The following NUP88 variants were observed in gnomAD, a reference collection of about 807,000 sequenced individuals.
NUP88 encodes the protein nuclear pore complex protein Nup88.
Under a neutral mutation model 93.9 loss-of-function variants are expected in NUP88, and 57 were observed. The observed-to-expected ratio is 0.61, with a 90% confidence interval of 0.49 to 0.76. NUP88 has a LOEUF of 0.76. Among genes scored for constraint, NUP88 ranks in the 30% least tolerant of loss-of-function variants. NUP88 has a pLI of 0.00. For missense variants in NUP88, 911 were observed against 901.0 expected, an observed-to-expected ratio of 1.01 and a Z score of -0.14; for synonymous variants, 346 against 336.8, an observed-to-expected ratio of 1.03 and a Z score of -0.30.
chr17:5,416,815 G>T, intron 1 of NUP88, 133 bp from the exon 2 acceptor site: 7 of 663,670 alleles, frequency 1.1e-5, no homozygotes, highest in Non-Finnish European at 1.4e-5. Flanking sequence ...ACTCACACTT[G>T]TACCATTAAC....
chr17:5,388,054 G>A, intron 11 of NUP88, 150 bp from the exon 12 acceptor site: 2 of 758,102 alleles, frequency 2.6e-6, no homozygotes, highest in South Asian at 4.4e-5. Flanking sequence ...AGGCTGGAGT[G>A]CATTGGTGCT....
At chr17:5,401,314 TG>T (rs1440066893) in intron 7 of NUP88, among the ~76,000 whole-genome samples, 3 of 151,644 alleles carry the variant, frequency 2.0e-5, no homozygotes, top group South Asian at 4.2e-4. Flanking sequence ...ACCTGGGAGG[TG>T]GAGGTTGCGG....
chr17:5,389,775 C>CAAAAAA (rs58723410), intron 10 of NUP88, among the ~76,000 whole-genome samples: 1 of 76,582 alleles, frequency 1.3e-5, no homozygotes. Context: ...GACTCTGTCT[C>CAAAAAA]AAAAAAAAAA....
rs201351645 is a variant in NUP88 at position 5,419,542 on chromosome 17, T to G, written c.109A>C (p.Thr37Pro). ...LREGLKNQSPTEAEKPASSSL... is the reference protein window; with the variant it reads ...LREGLKNQSPPEAEKPASSSL... ...GAAGAAGCTGGTTTCTCAGCTTCGG[T>G]TGGACTCTGGTTTTTCAGTCCCTCC... The change falls in exon 1 of 17, where the codon ACC becomes CCC. Residue 37 changes from threonine (T) to proline (P), a missense_variant. By Grantham distance (38) the Thr-to-Pro change is conservative. Transcript: ENST00000573584. The G allele has an allele frequency of 1.9e-6, 3 of 1,613,570 alleles. No individual in the cohort carries two copies. The highest frequency in any genetic ancestry group is 2.5e-6 in the Non-Finnish European group (3 of 1,179,650).
Position 5,419,570 on chromosome 17 carries a change from G to C in NUP88, c.81C>G (p.Leu27=), listed in dbSNP as rs756543366. The C allele has an allele frequency of 2.6e-5, 42 of 1,610,510 alleles. No homozygotes were observed. The highest frequency in any genetic ancestry group is 3.3e-5 in the Non-Finnish European group (39 of 1,177,692). ...GACTCTGGTTTTTCAGTCCCTCCCG[G>C]AGCCGCAAGAACACGACGTGGTTAG... ...WLPNHVVFLR[L]REGLKNQSPT... Residue 27 remains leucine, a synonymous_variant, in exon 1 of 17, where the codon CTC becomes CTG. Coordinates refer to ENST00000573584, the MANE Select transcript of NUP88 (RefSeq NM_002532.6).
rs1173655575 is a variant in NUP88, at chr17:5,408,801, C to T, written c.789G>A (p.Val263=). The change falls in exon 5 of 17, where the codon GTG becomes GTA. Residue 263 remains valine, a synonymous_variant. Transcript: ENST00000573584. ...LFGQNGKDEV[V]AYPLYILYEN... ...CATATAAGATGTACAGTGGGTATGCCACTACTTCATCTTTGCCGTTTTGTC... is the reference window on the plus strand; with the variant it reads ...CATATAAGATGTACAGTGGGTATGCTACTACTTCATCTTTGCCGTTTTGTC... The T allele has an allele frequency of 5.6e-6, 9 of 1,613,950 alleles. No individual in the cohort carries two copies. Among genetic ancestry groups the T allele is most frequent in the South Asian group, 4.4e-5 (4 of 91,060 alleles).
At chr17:5,399,729 C>T (rs766931458) in intron 7 of NUP88, 79 bp from the exon 8 acceptor site, 20 of 668,330 alleles carry the variant, frequency 3.0e-5, no homozygotes, top group Non-Finnish European at 5.0e-5. Flanking sequence ...TTGGCTACTC[C>T]ACATTAGCCT....
intron 5 of NUP88, among the ~76,000 whole-genome samples, chr17:5,408,026 G>C (rs1437386975): frequency 1.3e-5 from 2 of 151,836 alleles, no homozygotes; most frequent in Admixed American, 6.6e-5. Flanking sequence ...CTCTTTTAAC[G>C]AGGTATTTTT....
chr17:5,410,684 G>C lies in NUP88; in HGVS notation c.680+19C>G. 1.4e-6 allele frequency: 2 copies of C among 1,452,282 alleles called. No individual in the cohort carries two copies. Among genetic ancestry groups the C allele is most frequent in the South Asian group, 1.2e-5 (1 of 83,100 alleles). The allele number at this position is 1,452,282 out of a possible 1,614,324, so 90.0% of individuals were successfully genotyped here. A position where few individuals can be genotyped will look rare whatever the true frequency, so the allele number is the denominator to read the frequency against. ...TAAGCTAATTAAAAAACCATTTCAA[G>C]ACTCAAATAAAAACTTACCCTTTAT... On this transcript the variant is annotated intron_variant, in intron 4 of 16. Transcript: ENST00000573584.
chr17:5,404,036 G>A, intron 7 of NUP88, 63 bp downstream of exon 7: 14 of 1,493,330 alleles, frequency 9.4e-6, no homozygotes, highest in Non-Finnish European at 1.3e-5. Context: ...CATAGGAACA[G>A]TCTATGATAG....
rs1913418684 is a variant in NUP88, at chr17:5,405,090, GAC to G, written c.1009_1010del (p.Val337ArgfsTer9). On this transcript the variant is annotated frameshift_variant, in exon 6 of 17. Transcript: ENST00000573584. LOFTEE classifies it high-confidence loss of function. ...CATCTTCTTCTTCCCCTTCTAGCAC[GAC>G]ACAGTGATACAGCATTCCTGATTCA... ...ATESGMLYHC[V>X]VLEGEEEDDH... 2 of 1,614,074 alleles carry G rather than the reference GAC, an allele frequency of 1.2e-6. No homozygotes were observed. The highest frequency in any genetic ancestry group is 1.7e-6 in the Non-Finnish European group (2 of 1,179,992).
intron 8 of NUP88, among the ~76,000 whole-genome samples, chr17:5,396,964 C>T (rs757883267): frequency 3.3e-5 from 5 of 152,118 alleles, no homozygotes; most frequent in Admixed American, 1.3e-4. Context: ...GTTCTCCATA[C>T]GAGTCCATTA....
Position 5,404,119 on chromosome 17 carries a change from C to T in NUP88, c.1172G>A (p.Cys391Tyr). 6.2e-7 allele frequency: 1 copy of T among 1,613,940 alleles called. No individual in the cohort carries two copies. The highest frequency in any genetic ancestry group is 8.5e-7 in the Non-Finnish European group (1 of 1,179,972). ...EDDPFDSDFS[C>Y]PVKLHRDPKC... ...CTTACCTCTATGAAGTTTGACTGGA[C>T]AAGAAAAGTCAGAATCAAAAGGGTC... The change falls in exon 7 of 17, where the codon TGT (cysteine) becomes TAT (tyrosine). Residue 391 changes from cysteine to tyrosine, a missense_variant. Physicochemically the swap from Cys to Tyr is radical, Grantham distance 194. Coordinates refer to ENST00000573584, the MANE Select transcript of NUP88 (RefSeq NM_002532.6).
At chr17:5,388,478 T>G (rs903929003) in intron 11 of NUP88, 1 of 184,064 alleles carries the variant, frequency 5.4e-6, no homozygotes, top group Non-Finnish European at 1.1e-5. Context: ...TTAGTAGAGA[T>G]GGGGTTTTGC....
chr17:5,419,475 T>C lies in NUP88; in HGVS notation c.176A>G (p.Asn59Ser). Reference protein sequence around the residue: ...SSPPPQLLTRNVVFGLGGELF... With the variant: ...SSPPPQLLTRSVVFGLGGELF... ...CTCTCCGCCGAGGCCAAAGACCACG[T>C]TTCTCGTCAGCAACTGCGGCGGCGG... The change falls in exon 1 of 17, where the codon AAC becomes AGC. Residue 59 changes from asparagine to serine, a missense_variant. Physicochemically the swap from Asn to Ser is conservative, Grantham distance 46. Transcript: ENST00000573584. 6.2e-7 allele frequency: 1 copy of C among 1,613,992 alleles called. No individual in the cohort carries two copies. Among genetic ancestry groups the C allele is most frequent in the South Asian group, 1.1e-5 (1 of 91,084 alleles).
At position 5,414,353 on chromosome 17, in the gene NUP88, G is replaced by A. The variant is rs140151991; in HGVS notation, c.468-219C>T. Among the ~76,000 whole-genome samples, 164 of 152,038 alleles carry A rather than the reference G, an allele frequency of 1.1e-3. 1 individual carries two copies. The East Asian group carries it at 0.03, about 28-fold the overall frequency. ...TGGGATTACAGGCACCTGCCACCTC[G>A]CCCAGCGAACTTTGTATTTTCAGTA... On this transcript the variant is annotated intron_variant, in intron 2 of 16. Transcript: ENST00000573584.
At position 5,416,653 on chromosome 17, in the gene NUP88, A is replaced by T. The variant is rs747870754; in HGVS notation, c.327T>A (p.Phe109Leu). The T allele has an allele frequency of 1.2e-6, 2 of 1,609,376 alleles. No homozygotes were observed. Among genetic ancestry groups the T allele is most frequent in the Non-Finnish European group, 1.7e-6 (2 of 1,178,774 alleles). The change falls in exon 2 of 17, where the codon TTT becomes TTA. Residue 109 changes from phenylalanine to leucine, a missense_variant. Phe to Leu is a conservative substitution (Grantham distance 22). Transcript: ENST00000573584. ...QRLLCINPPL[F>L]EIYQVLLSPT... is the part of the protein sequence containing the mutation. ...GGCTTAACAAGACTTGATAGATTTC[A>T]AACAGGGGTGGATTTATGCAAAGCA...
intron 6 of NUP88, 41 bp from the exon 7 acceptor site, chr17:5,404,287 T>A (rs771939570): frequency 3.1e-6 from 5 of 1,605,048 alleles, no homozygotes; most frequent in Non-Finnish European, 4.3e-6. Context: ...TGCATGTTAA[T>A]TTGAAAATGT....
intron 1 of NUP88, 36 bp downstream of exon 1, chr17:5,419,318 C>T: frequency 6.6e-7 from 1 of 1,520,650 alleles, no homozygotes. Flanking sequence ...GTTCCGATCC[C>T]GGTGAGGGTC....
Sources: gnomAD v4.1 joint callset for allele counts (sites outside exome capture counted in the v4.1 genomes callset) on GRCh38, gnomAD v4.1.1 for gene constraint, MANE v1.5 for transcripts, NCBI Gene and HGNC (gene_info 2026-07-23, HGNC 2026-07-21) for gene names.